The following TTC29 variants were observed in gnomAD, a reference collection of about 807,000 sequenced individuals.
The protein encoded by TTC29 is tetratricopeptide repeat protein 29.
Under a neutral mutation model 58.1 loss-of-function variants are expected in TTC29, and 49 were observed. The ratio of observed to expected loss-of-function variants is 0.84; its 90% CI spans 0.67 to 1.07. The LOEUF is 1.07. Ranked by LOEUF, TTC29 falls within the 50% of genes least tolerant of loss-of-function variation. TTC29 has a pLI of 0.00. For missense variants in TTC29, 582 were observed against 555.6 expected (o/e 1.05, Z -0.48); for synonymous variants, 209 against 196.8 (o/e 1.06, Z -0.52).
intron 9 of TTC29, among the ~76,000 whole-genome samples, chr4:146,832,365 G>A (rs547113787): frequency 1.4e-4 from 22 of 152,300 alleles, no homozygotes; most frequent in Non-Finnish European, 2.2e-4. Context: ...AAATAGCTGA[G>A]TTGGTCTTCC....
chr4:146,768,008 T>C (rs188178839), intron 11 of TTC29, among the ~76,000 whole-genome samples: 10 of 152,210 alleles, frequency 6.6e-5, no homozygotes, highest in African/African-American at 2.2e-4. Context: ...ATATATATTA[T>C]AGCTGCAATT....
At chr4:146,909,691 A>AT (rs1733768885) in intron 4 of TTC29, among the ~76,000 whole-genome samples, 1 of 152,220 alleles carries the variant, frequency 6.6e-6, no homozygotes, top group African/African-American at 2.4e-5. Context: ...TCATTCTTTC[A>AT]TTCATGCAGA....
intron 10 of TTC29, among the ~76,000 whole-genome samples, chr4:146,819,560 TAATA>T (rs1751676068): frequency 6.6e-6 from 1 of 152,218 alleles, no homozygotes; most frequent in Non-Finnish European, 1.5e-5. Context: ...TACATTCTAC[TAATA>T]ACAGCTTCTT....
chr4:146,847,557 A>G (rs905635202), intron 8 of TTC29, among the ~76,000 whole-genome samples: 8 of 152,218 alleles, frequency 5.3e-5, no homozygotes, highest in African/African-American at 1.7e-4. Flanking sequence ...GCACTGAGGC[A>G]GAGACAGGGA....
At chr4:146,779,796 G>A (rs1039719819) in intron 11 of TTC29, among the ~76,000 whole-genome samples, 4 of 152,206 alleles carry the variant, frequency 2.6e-5, no homozygotes, top group Non-Finnish European at 4.4e-5. Flanking sequence ...CTTAATGGAA[G>A]ACTAACCTGG....
chr4:146,859,214 A>G (rs1435221084), intron 8 of TTC29, among the ~76,000 whole-genome samples: 3 of 152,066 alleles, frequency 2.0e-5, no homozygotes, highest in African/African-American at 4.8e-5. Flanking sequence ...CCATCAGAAG[A>G]TTCATCCTAT....
chr4:146,901,340 G>A (rs112542202), intron 6 of TTC29, among the ~76,000 whole-genome samples: 34 of 152,132 alleles, frequency 2.2e-4, no homozygotes, highest in African/African-American at 6.0e-4. Context: ...TACTATTAAC[G>A]TGTTAGTGTA....
intron 6 of TTC29, among the ~76,000 whole-genome samples, chr4:146,887,400 T>G (rs999315912): frequency 6.6e-6 from 1 of 152,168 alleles, no homozygotes; most frequent in Middle Eastern, 3.2e-3. Context: ...TGTCTAAATG[T>G]TACCGTTAAA....
intron 10 of TTC29, among the ~76,000 whole-genome samples, chr4:146,807,643 A>C (rs1431932547): frequency 6.6e-6 from 1 of 152,202 alleles, no homozygotes; most frequent in African/African-American, 2.4e-5. Context: ...ATATAGAAGA[A>C]ATGGATAAAT....
chr4:146,753,093 C>T (rs1397628115), intron 11 of TTC29, among the ~76,000 whole-genome samples: 2 of 152,152 alleles, frequency 1.3e-5, no homozygotes, highest in East Asian at 3.8e-4. Context: ...GCAAAAGAAA[C>T]CACCATCAGA....
intron 6 of TTC29, among the ~76,000 whole-genome samples, chr4:146,897,208 T>C (rs1050808457): frequency 1.3e-5 from 2 of 152,098 alleles, no homozygotes; most frequent in Non-Finnish European, 2.9e-5. Flanking sequence ...AAAATCTCTT[T>C]AGGTTAACAG....
At chr4:146,812,261 T>C (rs953318843) in intron 10 of TTC29, among the ~76,000 whole-genome samples, 1 of 152,188 alleles carries the variant, frequency 6.6e-6, no homozygotes, top group African/African-American at 2.4e-5. Context: ...AAATATCTAA[T>C]TGATATTCTA....
At chr4:146,905,890 A>T (rs375531606) in intron 5 of TTC29, among the ~76,000 whole-genome samples, 1 of 152,302 alleles carries the variant, frequency 6.6e-6, no homozygotes, top group African/African-American at 2.4e-5. Flanking sequence ...TTGGCCAGAA[A>T]ATTGTTTTGT....
intron 8 of TTC29, among the ~76,000 whole-genome samples, chr4:146,859,401 T>G (rs1730080384): frequency 6.6e-6 from 1 of 152,148 alleles, no homozygotes; most frequent in Admixed American, 6.6e-5. Flanking sequence ...CATTTTTTTC[T>G]TCTGACATAC....
At chr4:146,744,863 T>C (rs1028686001) in intron 11 of TTC29, among the ~76,000 whole-genome samples, 1 of 152,226 alleles carries the variant, frequency 6.6e-6, no homozygotes, top group African/African-American at 2.4e-5. Flanking sequence ...TAGTGTGTTA[T>C]GTAGCTTCCC....
rs557277432 is a variant in TTC29, at chr4:146,707,550, T to C, written c.1332A>G (p.Glu444=). 30 of 1,598,302 alleles carry C rather than the reference T, an allele frequency of 1.9e-5. No individual in the cohort carries two copies. In the South Asian group the frequency reaches 3.1e-4, roughly 17 times the overall value. The change falls in exon 12 of 13, where the codon GAA becomes GAG. Residue 444 remains glutamate (E), a splice_region_variant and synonymous_variant. Transcript: ENST00000325106. ...CTTCCACTGTGGATCCTCTAAACTC[T>C]TCTAAAAAAAAAATACACAAAGTTA... ...RGNIEPDPVT[E]EFRGSTVEAV...
At chr4:146,831,489 C>T (rs939204144) in intron 9 of TTC29, among the ~76,000 whole-genome samples, 3 of 152,198 alleles carry the variant, frequency 2.0e-5, no homozygotes, top group Non-Finnish European at 4.4e-5. Context: ...CCCTAAGGCA[C>T]ATTGGCAGGC....
chr4:146,719,698 T>C (rs1743217794), intron 11 of TTC29, among the ~76,000 whole-genome samples: 1 of 152,142 alleles, frequency 6.6e-6, no homozygotes, highest in Non-Finnish European at 1.5e-5. Context: ...AAACCACTAA[T>C]CTGACATGTA....
At chr4:146,885,434 TAC>T (rs1731917853) in intron 6 of TTC29, among the ~76,000 whole-genome samples, 1 of 152,072 alleles carries the variant, frequency 6.6e-6, no homozygotes, top group African/African-American at 2.4e-5. Flanking sequence ...GCATAATTTT[TAC>T]ACAGTTGTAA....
Sources: allele counts gnomAD v4.1 joint callset (sites outside exome capture counted in the v4.1 genomes callset), GRCh38; gene constraint gnomAD v4.1.1; transcripts MANE v1.5; gene names NCBI Gene and HGNC (gene_info 2026-07-23, HGNC 2026-07-21).